Variants in WWC2 observed in about 807,000 individuals in gnomAD.
The protein encoded by WWC2 is protein WWC2.
A neutral mutation model predicts 138.5 loss-of-function variants in WWC2; 101 were observed. The ratio of observed to expected loss-of-function variants is 0.73; its 90% confidence interval spans 0.62 to 0.86. The LOEUF is 0.86. WWC2 is among the 40% of genes least tolerant of loss of function. The pLI is 0.00. For synonymous variants in WWC2, 558 were observed against 538.4 expected, an observed-to-expected ratio of 1.04 and a Z score of -0.50; for missense variants, 1,420 against 1,419.4, an observed-to-expected ratio of 1.00 and a Z score of -0.01.
At chr4:183,289,293 G>A in intron 20 of WWC2, 100 bp from the exon 21 acceptor site, 1 of 1,490,544 alleles carries the variant, frequency 6.7e-7, no homozygotes, top group Admixed American at 2.2e-5. Context: ...CTTCTAGGGT[G>A]CAAGGAAGCA....
rs557626267 is a variant in WWC2, at chr4:183,108,289, A to C, written c.131+8667A>C. On this transcript the variant is annotated intron_variant, in intron 1 of 22. Transcript: ENST00000403733. ...CCAGGGCACTAAGTCCTGCTGATACACCCTTGATGTGATGTGGTGACAATG... is the reference window on the plus strand; with the variant it reads ...CCAGGGCACTAAGTCCTGCTGATACCCCCTTGATGTGATGTGGTGACAATG... Among the ~76,000 whole-genome samples, 85 of 152,224 alleles carry C rather than the reference A, an allele frequency of 5.6e-4. 1 individual carries two copies. Among genetic ancestry groups the C allele is most frequent in the South Asian group, 1.2e-3 (6 of 4,814 alleles).
intron 9 of WWC2, among the ~76,000 whole-genome samples, 155 bp downstream of exon 9, chr4:183,254,154 C>G (rs1240262007): frequency 6.6e-6 from 1 of 152,158 alleles, no homozygotes; most frequent in East Asian, 1.9e-4. Flanking sequence ...TAAAGTGCAC[C>G]ATCCTAATGC....
chr4:183,214,418 G>C (rs1221685373), intron 4 of WWC2, among the ~76,000 whole-genome samples: 1 of 152,148 alleles, frequency 6.6e-6, no homozygotes, highest in Non-Finnish European at 1.5e-5. Flanking sequence ...TGTGAGTAAA[G>C]TAATAATGTG....
chr4:183,149,110 C>T (rs531750972), intron 1 of WWC2, among the ~76,000 whole-genome samples: 18 of 151,950 alleles, frequency 1.2e-4, no homozygotes, highest in Non-Finnish European at 2.2e-4. Flanking sequence ...CCACAGAAGA[C>T]AAAGTAGTAT....
intron 1 of WWC2, among the ~76,000 whole-genome samples, chr4:183,176,473 A>T (rs1734470817): frequency 6.6e-6 from 1 of 152,098 alleles, no homozygotes; most frequent in Non-Finnish European, 1.5e-5. Flanking sequence ...CTCAGGCTGG[A>T]GTGCAGTGGC....
chr4:183,238,730 G>GC (rs1049173322), intron 4 of WWC2, among the ~76,000 whole-genome samples: 4 of 152,066 alleles, frequency 2.6e-5, no homozygotes, highest in Non-Finnish European at 4.4e-5. Context: ...CTCCACCCAA[G>GC]CCCTCAGACT....
chr4:183,262,394 G>A (rs1434399018), intron 11 of WWC2, among the ~76,000 whole-genome samples: 1 of 152,208 alleles, frequency 6.6e-6, no homozygotes, highest in Non-Finnish European at 1.5e-5. Context: ...ACACAAAACA[G>A]GGCAGGGCTC....
chr4:183,250,126 T>C (rs981743020), intron 8 of WWC2, 133 bp downstream of exon 8: 6 of 728,434 alleles, frequency 8.2e-6, no homozygotes, highest in East Asian at 2.8e-5. Flanking sequence ...TTTTAGCATG[T>C]CAGGGCTGCT....
At chr4:183,118,078 G>A (rs1018007749) in intron 1 of WWC2, among the ~76,000 whole-genome samples, 27 of 152,328 alleles carry the variant, frequency 1.8e-4, no homozygotes, top group South Asian at 4.1e-4. Context: ...GATTACAGGA[G>A]TGAGCCACTG....
intron 5 of WWC2, among the ~76,000 whole-genome samples, chr4:183,243,706 G>A (rs1410790627): frequency 1.3e-5 from 2 of 150,368 alleles, no homozygotes; most frequent in East Asian, 3.9e-4. Context: ...TGTGACTAGG[G>A]GATCTTTAGG....
At chr4:183,119,212 C>T (rs960778993) in intron 1 of WWC2, among the ~76,000 whole-genome samples, 2 of 152,070 alleles carry the variant, frequency 1.3e-5, no homozygotes, top group Non-Finnish European at 1.5e-5. Context: ...CTGGCCCTGC[C>T]GTTAAGATGA....
intron 19 of WWC2, among the ~76,000 whole-genome samples, chr4:183,284,855 T>TAA (rs1247359324): frequency 6.6e-6 from 1 of 152,230 alleles, no homozygotes; most frequent in African/African-American, 2.4e-5. Flanking sequence ...CATCCATAGT[T>TAA]CTGTGAAGAA....
At chr4:183,228,264 C>T (rs1028864678) in intron 4 of WWC2, among the ~76,000 whole-genome samples, 40 of 151,854 alleles carry the variant, frequency 2.6e-4, no homozygotes, top group Admixed American at 2.4e-3. Flanking sequence ...GTAATGTGTC[C>T]GTTAAAATGT....
intron 1 of WWC2, among the ~76,000 whole-genome samples, chr4:183,154,002 CAAAAAAAAAAAAA>C (rs35002790): frequency 1.6e-3 from 116 of 71,664 alleles, no homozygotes; most frequent in Non-Finnish European, 1.9e-3. Flanking sequence ...CTTTAAAAAG[CAAAAAAAAAAAAA>C]AAAAAAAAAA....
intron 2 of WWC2, 79 bp from the exon 3 acceptor site, chr4:183,207,874 C>G: frequency 7.6e-7 from 1 of 1,317,928 alleles, no homozygotes; most frequent in Non-Finnish European, 1.0e-6. Flanking sequence ...AGAACTTAAG[C>G]TAGCCTACTC....
At position 183,207,972 on chromosome 4, in the gene WWC2, T is replaced by G. The variant is rs1243708586; in HGVS notation, c.261T>G (p.Asp87Glu). ...DHINKTTQIE[D>E]PRKQWRGEQE... ...TTTCAGAAACCACGCAGATAGAAGATCCAAGAAAACAATGGAGGGGGGAAC... is the reference window on the plus strand; with the variant it reads ...TTTCAGAAACCACGCAGATAGAAGAGCCAAGAAAACAATGGAGGGGGGAAC... Residue 87 changes from aspartate to glutamate, a missense_variant, in exon 3 of 23, where the codon GAT (aspartate) becomes GAG (glutamate). Coordinates refer to ENST00000403733, the MANE Select transcript of WWC2 (RefSeq NM_024949.6). The G allele has an allele frequency of 6.2e-7, 1 of 1,610,496 alleles. No individual in the cohort carries two copies. Among genetic ancestry groups the G allele is most frequent in the Non-Finnish European group, 8.5e-7 (1 of 1,178,434 alleles).
At chr4:183,279,510 T>A (rs533729743) in intron 16 of WWC2, among the ~76,000 whole-genome samples, 1 of 152,194 alleles carries the variant, frequency 6.6e-6, no homozygotes, top group Non-Finnish European at 1.5e-5. Context: ...TAGGGAGGAT[T>A]CCCTCTTTTT....
chr4:183,312,467 A>G lies in WWC2; in HGVS notation c.3511A>G (p.Arg1171Gly), dbSNP rs1426393891. 6.2e-7 allele frequency: 1 copy of G among 1,613,504 alleles called. No homozygotes were observed. The highest frequency in any genetic ancestry group is 1.1e-5 in the South Asian group (1 of 91,048). Residue 1171 changes from arginine (R) to glycine (G), a missense_variant and splice_region_variant, in exon 22 of 23, where the codon AGG becomes GGG. By Grantham distance (125) the Arg-to-Gly change is moderately radical. Transcript: ENST00000403733. ...GGTGCCTCGGCAGGTGCAGTCCTTC[A>G]GGTGAATAGCCCCATCCAGGACAGC... Reference protein sequence around the residue: ...QKVPRQVQSFREKIAYFTRAK... With the variant: ...QKVPRQVQSFGEKIAYFTRAK...
At position 183,186,648 on chromosome 4, in the gene WWC2, C is replaced by T. The variant is rs530040954; in HGVS notation, c.132-6951C>T. Among the ~76,000 whole-genome samples, 86 of 152,012 alleles carry T rather than the reference C, an allele frequency of 5.7e-4. 1 individual carries two copies. The highest frequency in any genetic ancestry group is 2.1e-3 in the African/African-American group (85 of 41,446). ...AATGAGACTGCAGAGTAGAGAGGAG[C>T]GGCTGGGGTAAGGGCAGGAGACTGG... On this transcript the variant is annotated intron_variant, in intron 1 of 22. Transcript: ENST00000403733.
Sources: allele counts gnomAD v4.1 joint callset (sites outside exome capture counted in the v4.1 genomes callset), GRCh38; gene constraint gnomAD v4.1.1; transcripts MANE v1.5; gene names NCBI Gene and HGNC (gene_info 2026-07-23, HGNC 2026-07-21).